The following KCNC2 variants were observed in gnomAD, a reference collection of about 807,000 sequenced individuals.
The protein encoded by KCNC2 is potassium voltage-gated channel subfamily C member 2.
A neutral mutation model predicts 44.5 loss-of-function variants in KCNC2; 21 were observed. That is an observed-to-expected ratio of 0.47 (90% CI 0.33 to 0.68). The LOEUF is 0.68. KCNC2 is among the 30% of genes least tolerant of loss of function. The pLI is 0.01. For missense variants in KCNC2, 589 were observed against 826.2 expected, an observed-to-expected ratio of 0.71 and a Z score of 3.52; for synonymous variants, 391 against 339.1, an observed-to-expected ratio of 1.15 and a Z score of -1.68.
intron 2 of KCNC2, among the ~76,000 whole-genome samples, chr12:75,083,000 T>C (rs1020353378): frequency 3.3e-5 from 5 of 151,432 alleles, no homozygotes; most frequent in Non-Finnish European, 7.4e-5. Context: ...AATAGAAATA[T>C]ATCAGTGGAG....
chr12:75,138,968 G>A (rs1418774081), intron 2 of KCNC2, among the ~76,000 whole-genome samples: 4 of 100,980 alleles, frequency 4.0e-5, no homozygotes, highest in Non-Finnish European at 5.4e-5. Context: ...GCCACAGAGC[G>A]AGACTCCGTG....
chr12:75,105,351 A>C (rs1886699430), intron 2 of KCNC2, among the ~76,000 whole-genome samples: 1 of 152,130 alleles, frequency 6.6e-6, no homozygotes, highest in Admixed American at 6.5e-5. Context: ...AGAATTAACA[A>C]AGGGACAAAC....
intron 2 of KCNC2, among the ~76,000 whole-genome samples, chr12:75,162,727 A>G (rs1891199424): frequency 6.6e-6 from 1 of 151,728 alleles, no homozygotes; most frequent in African/African-American, 2.4e-5. Flanking sequence ...TCATCCTCAA[A>G]AAAACCTCTA....
intron 2 of KCNC2, among the ~76,000 whole-genome samples, chr12:75,052,983 T>C (rs1018932069): frequency 1.3e-5 from 2 of 152,122 alleles, no homozygotes; most frequent in Admixed American, 6.6e-5. Flanking sequence ...TTCCCAGACG[T>C]TTTATGAGAT....
intron 2 of KCNC2, among the ~76,000 whole-genome samples, chr12:75,093,796 T>C (rs1372642387): frequency 2.0e-5 from 3 of 151,664 alleles, no homozygotes; most frequent in Admixed American, 2.0e-4. Context: ...CTAAAATCTT[T>C]ATTATTTTCA....
intron 2 of KCNC2, among the ~76,000 whole-genome samples, chr12:75,083,294 T>A (rs1287164158): frequency 1.3e-5 from 2 of 151,824 alleles, no homozygotes; most frequent in African/African-American, 4.8e-5. Context: ...CTAATAATAA[T>A]CTAATTAGTT....
At chr12:75,102,636 C>T (rs1886459727) in intron 2 of KCNC2, among the ~76,000 whole-genome samples, 1 of 152,042 alleles carries the variant, frequency 6.6e-6, no homozygotes, top group Admixed American at 6.6e-5. Flanking sequence ...TAAACACACA[C>T]ATATTTCTAA....
intron 2 of KCNC2, among the ~76,000 whole-genome samples, chr12:75,103,251 A>G (rs578122132): frequency 6.6e-6 from 1 of 152,354 alleles, no homozygotes; most frequent in Non-Finnish European, 1.5e-5. Flanking sequence ...TGGGTTCCAC[A>G]TATCCACTAT....
chr12:75,101,453 C>A (rs1022370060), intron 2 of KCNC2, among the ~76,000 whole-genome samples: 1 of 152,014 alleles, frequency 6.6e-6, no homozygotes, highest in Non-Finnish European at 1.5e-5. Context: ...TGGTCTGTTA[C>A]ACACTTTGAG....
At chr12:75,151,950 A>G (rs1178816496) in intron 2 of KCNC2, among the ~76,000 whole-genome samples, 4 of 146,488 alleles carry the variant, frequency 2.7e-5, no homozygotes, top group African/African-American at 9.9e-5. Context: ...ACATTTATAT[A>G]TAATATATTA....
chr12:75,069,542 CT>C (rs1565826335), intron 2 of KCNC2, among the ~76,000 whole-genome samples: 1 of 152,132 alleles, frequency 6.6e-6, no homozygotes, highest in African/African-American at 2.4e-5. Context: ...CGATATGGCT[CT>C]TACAGAATCA....
intron 2 of KCNC2, among the ~76,000 whole-genome samples, chr12:75,140,704 A>C (rs1273299325): frequency 6.6e-6 from 1 of 151,506 alleles, no homozygotes; most frequent in Non-Finnish European, 1.5e-5. Context: ...TAATGACCAA[A>C]AAAGAAAAAA....
chr12:75,178,466 A>G (rs1254631238), intron 2 of KCNC2, among the ~76,000 whole-genome samples: 2 of 152,046 alleles, frequency 1.3e-5, no homozygotes, highest in African/African-American at 4.8e-5. Flanking sequence ...GGCAGTGTGT[A>G]AAGTTTGTTT....
At chr12:75,179,820 T>C (rs1200555927) in intron 2 of KCNC2, among the ~76,000 whole-genome samples, 1 of 150,244 alleles carries the variant, frequency 6.7e-6, no homozygotes, top group East Asian at 2.0e-4. Flanking sequence ...TGGAAAAATA[T>C]ATTAACTATT....
chr12:75,077,310 T>A (rs1236345842), intron 2 of KCNC2, among the ~76,000 whole-genome samples: 3 of 152,144 alleles, frequency 2.0e-5, no homozygotes, highest in Non-Finnish European at 4.4e-5. Flanking sequence ...GAAAACCTCA[T>A]TAAAATCCAG....
At chr12:75,120,728 A>G (rs1199245312) in intron 2 of KCNC2, among the ~76,000 whole-genome samples, 1 of 152,148 alleles carries the variant, frequency 6.6e-6, no homozygotes, top group African/African-American at 2.4e-5. Context: ...GGACCTTAGT[A>G]AGTGTTTCTT....
At chr12:75,181,957 A>G (rs1386273861) in intron 2 of KCNC2, among the ~76,000 whole-genome samples, 2 of 32,110 alleles carry the variant, frequency 6.2e-5, no homozygotes, top group Non-Finnish European at 1.6e-4. Context: ...TTTTTTTTGT[A>G]GAGACAAGGC....
chr12:75,096,318 T>A (rs1006904288), intron 2 of KCNC2, among the ~76,000 whole-genome samples: 1 of 152,036 alleles, frequency 6.6e-6, no homozygotes. Context: ...TCTTGATTTT[T>A]AAAAAATATT....
chr12:75,192,889 A>G (rs902934017), intron 2 of KCNC2, among the ~76,000 whole-genome samples: 1 of 152,194 alleles, frequency 6.6e-6, no homozygotes, highest in Non-Finnish European at 1.5e-5. Context: ...ATATTTTGAA[A>G]TTGCTAAAAG....
Sources: allele counts gnomAD v4.1 joint callset (sites outside exome capture counted in the v4.1 genomes callset), GRCh38; gene constraint gnomAD v4.1.1; transcripts MANE v1.5; gene names NCBI Gene and HGNC (gene_info 2026-07-23, HGNC 2026-07-21).